Variants in PFAS observed in about 807,000 individuals in gnomAD.
PFAS encodes phosphoribosylformylglycinamidine synthase, also known as FGAM synthase.
A neutral mutation model predicts 140.6 loss-of-function variants in PFAS; 97 were observed. The observed-to-expected ratio is 0.69, with a 90% CI of 0.59 to 0.82. The LOEUF (loss-of-function observed/expected upper bound fraction) is 0.82. Among genes scored for constraint, PFAS ranks in the 40% least tolerant of loss-of-function variants. The probability of loss-of-function intolerance (pLI) is 0.00; values close to 1 mark genes in which losing one functional copy is unlikely to be tolerated. For synonymous variants in PFAS, 679 were observed against 718.8 expected (o/e 0.94, Z 0.88); for missense variants, 1,656 against 1,780.2 (o/e 0.93, Z 1.26).
rs1413961471 is a variant in PFAS, at chr17:8,264,257, C to G, written c.1837C>G (p.Gln613Glu). The change falls in exon 16 of 28, where the codon CAG becomes GAG. Residue 613 changes from glutamine to glutamate, a missense_variant. Physicochemically the swap from Gln to Glu is conservative, Grantham distance 29. Transcript: ENST00000314666. ...DRECPVRRNGQGDAPPTPLPT... is the reference protein window; with the variant it reads ...DRECPVRRNGEGDAPPTPLPT... ...GGAGTGTCCTGTCAGAAGAAATGGC[C>G]AGGGGGATGCCCCCCCGACACCCCT... The G allele has an allele frequency of 1.2e-6, 2 of 1,613,872 alleles. No homozygotes were observed. The highest frequency in any genetic ancestry group is 1.3e-5 in the African/African-American group (1 of 74,900).
chr17:8,259,753 A>G (rs1391453108), intron 11 of PFAS, among the ~76,000 whole-genome samples: 1 of 151,996 alleles, frequency 6.6e-6, no homozygotes, highest in Non-Finnish European at 1.5e-5. Context: ...ATACCACTGC[A>G]CTCCAGCATG....
At chr17:8,250,303 T>A (rs928097599) in intron 1 of PFAS, among the ~76,000 whole-genome samples, 1 of 152,206 alleles carries the variant, frequency 6.6e-6, no homozygotes, top group Non-Finnish European at 1.5e-5. Context: ...TTTATGCTGA[T>A]GTGTGACAAA....
In PFAS at chr17:8,266,493, T is replaced by C. The variant is rs778251336; in HGVS notation, c.2821+140T>C. 19 of 1,486,874 alleles carry C rather than the reference T, an allele frequency of 1.3e-5. 1 individual carries two copies. In the South Asian group the frequency reaches 2.6e-4, roughly 20 times the overall value. 92.1% of individuals were successfully genotyped at this position (1,486,874 alleles called of 1,614,324 possible). On this transcript the variant is annotated intron_variant, in intron 22 of 27. Transcript: ENST00000314666. This position sits in a 1 kb window ranked among gnomAD's most constrained non-coding sequence, Gnocchi z 5.0. ...CTGACTAGCTTTTCTGTGCTGTCTCTCTGACAGCTGAACTGGATGGAACTG... is the reference window on the plus strand; with the variant it reads ...CTGACTAGCTTTTCTGTGCTGTCTCCCTGACAGCTGAACTGGATGGAACTG...
At chr17:8,262,800 A>C in intron 11 of PFAS, 120 bp from the exon 12 acceptor site, 1 of 780,342 alleles carries the variant, frequency 1.3e-6, no homozygotes, top group South Asian at 1.5e-5. Context: ...CATCTCAAAA[A>C]AAAAAAAGCT....
Position 8,264,241 on chromosome 17 carries a change from T to C in PFAS, c.1821T>C (p.Pro607=). The change falls in exon 16 of 28, where the codon CCT becomes CCC. Residue 607 remains proline (P), a synonymous_variant. Coordinates refer to ENST00000314666, the MANE Select transcript of PFAS (RefSeq NM_012393.3). ...TGCTGGTGGACGATCGGGAGTGTCC[T>C]GTCAGAAGAAATGGCCAGGGGGATG... is the stretch of plus-strand genomic sequence containing the variant. ...RIVLVDDREC[P]VRRNGQGDAP... 1 of 1,614,078 alleles carries C rather than the reference T, an allele frequency of 6.2e-7. No homozygotes were observed. Among genetic ancestry groups the C allele is most frequent in the Non-Finnish European group, 8.5e-7 (1 of 1,179,972 alleles).
chr17:8,269,202 A>G lies in PFAS; in HGVS notation c.3955A>G (p.Thr1319Ala), dbSNP rs938152714. The change falls in exon 28 of 28, where the codon ACC (threonine) becomes GCC (alanine). Residue 1319 changes from threonine to alanine, a missense_variant. Transcript: ENST00000314666. ...ACCCCCTCCATTTGATACTCTGACC[A>G]CCTCCCCCTGGCTCCAGCTCTTTAT... ...WRPPPFDTLT[T>A]SPWLQLFINA... 6.2e-7 allele frequency: 1 copy of G among 1,612,726 alleles called. No individual in the cohort carries two copies. The highest frequency in any genetic ancestry group is 1.3e-5 in the African/African-American group (1 of 74,836).
At position 8,269,359 on chromosome 17, in the gene PFAS, C is replaced by A; in HGVS notation, c.*95C>A. ...CTTCAGGAGCACCCCATATTATTTC[C>A]AAAAATATCTTGGACAGACAAGGAC... is the stretch of plus-strand genomic sequence containing the variant. On this transcript the variant is annotated 3_prime_UTR_variant, in exon 28 of 28. Coordinates refer to ENST00000314666, the MANE Select transcript of PFAS (RefSeq NM_012393.3). 1.1e-6 allele frequency: 1 copy of A among 870,648 alleles called. No homozygotes were observed. The highest frequency in any genetic ancestry group is 1.8e-6 in the Non-Finnish European group (1 of 565,196). The allele number at this position is 870,648 out of a possible 1,614,324, so 53.9% of individuals were successfully genotyped here.
Position 8,253,851 on chromosome 17 carries a change from T to C in PFAS, c.-79-8T>C. 1.3e-6 allele frequency: 2 copies of C among 1,509,876 alleles called. No individual in the cohort carries two copies. Among genetic ancestry groups the C allele is most frequent in the Admixed American group, 2.2e-5 (1 of 45,276 alleles). 93.5% of individuals were successfully genotyped at this position (1,509,876 alleles called of 1,614,324 possible). A position where few individuals can be genotyped will look rare whatever the true frequency, so the allele number is the denominator to read the frequency against. On this transcript the variant is annotated splice_polypyrimidine_tract_variant and splice_region_variant and intron_variant, in intron 1 of 27. Coordinates refer to ENST00000314666, the MANE Select transcript of PFAS (RefSeq NM_012393.3). ...ACCACGCCCGGCTTAGTTAATGTTA[T>C]TTTTTAGGAACCTAATTCATCTCTC... is the stretch of plus-strand genomic sequence containing the variant.
chr17:8,268,568 G>T lies in PFAS; in HGVS notation c.3418G>T (p.Gly1140Trp). Residue 1140 changes from glycine (G) to tryptophan (W), a missense_variant, in exon 27 of 28, where the codon GGG (glycine) becomes TGG (tryptophan). By Grantham distance (184) the Gly-to-Trp change is radical. This residue lies in a region of PFAS where 883 missense variants were observed against 1,023.0 expected (regional missense o/e 0.86). Coordinates refer to ENST00000314666, the MANE Select transcript of PFAS (RefSeq NM_012393.3). ...TGCTGTGACCTTTCATCCCAGGGCT[G>T]GGGCTGAGCTGAGGCGCTTCCGGAA... is the stretch of plus-strand genomic sequence containing the variant. Reference protein sequence around the residue: ...AAAVTFHPRAGAELRRFRKRP... With the variant: ...AAAVTFHPRAWAELRRFRKRP... 1.2e-6 allele frequency: 2 copies of T among 1,612,460 alleles called. No homozygotes were observed. Among genetic ancestry groups the T allele is most frequent in the Non-Finnish European group, 1.7e-6 (2 of 1,179,900 alleles).
Position 8,266,141 on chromosome 17 carries a change from GACAC to G in PFAS, c.2702-88_2702-85del. On this transcript the variant is annotated intron_variant, in intron 21 of 27. Coordinates refer to ENST00000314666, the MANE Select transcript of PFAS (RefSeq NM_012393.3). This position sits in a 1 kb window ranked among gnomAD's most constrained non-coding sequence, Gnocchi z 5.0. ...TGTACCCCAGATCCCCTGACATTCT[GACAC>G]ACACTCTTGATGGACTGACTCCGGA... is the stretch of plus-strand genomic sequence containing the variant. The G allele has an allele frequency of 6.4e-7, 1 of 1,567,312 alleles. No homozygotes were observed.
rs752264537 is a variant in PFAS at position 8,269,209 on chromosome 17, C to T, written c.3962C>T (p.Pro1321Leu). ...CCATTTGATACTCTGACCACCTCCC[C>T]CTGGCTCCAGCTCTTTATCAATGCC... ...PPPFDTLTTS[P>L]WLQLFINARN... Residue 1321 changes from proline to leucine, a missense_variant, in exon 28 of 28, where the codon CCC becomes CTC. Pro to Leu is a moderately conservative substitution (Grantham distance 98, BLOSUM62 -3). Coordinates refer to ENST00000314666, the MANE Select transcript of PFAS (RefSeq NM_012393.3). 2 of 1,613,322 alleles carry T rather than the reference C, an allele frequency of 1.2e-6. No individual in the cohort carries two copies. Among genetic ancestry groups the T allele is most frequent in the African/African-American group, 1.3e-5 (1 of 74,938 alleles).
chr17:8,251,669 T>G (rs1010030969), intron 1 of PFAS, among the ~76,000 whole-genome samples: 1 of 18,846 alleles, frequency 5.3e-5, no homozygotes, highest in Non-Finnish European at 3.2e-4. Context: ...TAAGCAATTC[T>G]TTTTTTTTTT....
At chr17:8,248,642 C>G (rs1018131746), upstream of PFAS, among the ~76,000 whole-genome samples, 3 of 151,956 alleles carry the variant, frequency 2.0e-5, no homozygotes, top group East Asian at 3.9e-4. Flanking sequence ...ACTGCAGCCT[C>G]GACCTCCCGG....
chr17:8,257,285 G>A (rs1470845215), intron 9 of PFAS, among the ~76,000 whole-genome samples: 1 of 152,176 alleles, frequency 6.6e-6, no homozygotes, highest in Non-Finnish European at 1.5e-5. Flanking sequence ...GGCTGGGCGT[G>A]GTGGCTCACG....
Position 8,256,604 on chromosome 17 carries a change from T to G in PFAS, c.902T>G (p.Leu301Arg), listed in dbSNP as rs1989376802. ...AGCCGCTTCCAGCAACAGCAAGGGC[T>G]GAGACATGTTGTCTTCACAGCAGAG... ...RPSRFQQQQG[L>R]RHVVFTAETH... is the part of the protein sequence containing the mutation. The change falls in exon 8 of 28, where the codon CTG becomes CGG. Residue 301 changes from leucine (L) to arginine (R), a missense_variant. Coordinates refer to ENST00000314666, the MANE Select transcript of PFAS (RefSeq NM_012393.3). 1 of 1,614,198 alleles carries G rather than the reference T, an allele frequency of 6.2e-7. No homozygotes were observed. The highest frequency in any genetic ancestry group is 8.5e-7 in the Non-Finnish European group (1 of 1,180,038).
chr17:8,257,861 G>T lies in PFAS; in HGVS notation c.1130G>T (p.Arg377Leu). 13 of 1,614,054 alleles carry T rather than the reference G, an allele frequency of 8.1e-6. No homozygotes were observed. The highest frequency in any genetic ancestry group is 1.1e-5 in the Non-Finnish European group (13 of 1,179,942). Residue 377 changes from arginine to leucine, a missense_variant, in exon 10 of 28, where the codon CGG becomes CTG. Coordinates refer to ENST00000314666, the MANE Select transcript of PFAS (RefSeq NM_012393.3). Reference sequence around the variant, plus strand: ...TTCCAGTATCCTGGGAATTTTGCCCGGCCCCTGGAGGTTGCCATTGAAGCC... The same window carrying T: ...TTCCAGTATCCTGGGAATTTTGCCCTGCCCCTGGAGGTTGCCATTGAAGCC... ...PSFQYPGNFA[R>L]PLEVAIEASN...
chr17:8,265,332 A>G lies in PFAS; in HGVS notation c.2325A>G (p.Pro775=), dbSNP rs761753440. 6.6e-5 allele frequency: 106 copies of G among 1,614,000 alleles called. No individual in the cohort carries two copies. In the South Asian group the frequency reaches 1.1e-3, roughly 17 times the overall value. The change falls in exon 19 of 28, where the codon CCA becomes CCG. Residue 775 remains proline, a synonymous_variant. Transcript: ENST00000314666. ...SGNWMWAAKL[P]GEGAALADAC... is the part of the protein sequence containing the mutation. ...ACTGGATGTGGGCAGCCAAGCTCCC[A>G]GGGGAGGGCGCAGCTTTGGCGGATG...
chr17:8,263,986 AC>A, intron 15 of PFAS, 50 bp downstream of exon 15: 2 of 1,592,738 alleles, frequency 1.3e-6, no homozygotes, highest in Non-Finnish European at 1.7e-6. Context: ...GACATGAGCC[AC>A]CTGGGTATGG....
Position 8,263,643 on chromosome 17 carries a change from C to G in PFAS, c.1629+7C>G, listed in dbSNP as rs1354724242. 2 of 1,613,288 alleles carry G rather than the reference C, an allele frequency of 1.2e-6. 1 individual carries two copies. Among genetic ancestry groups the G allele is most frequent in the East Asian group, 4.5e-5 (2 of 44,882 alleles). The stretch of plus-strand genomic sequence containing the variant: ...TTACACCAGCCGCTTCCAGGTGGGT[C>G]TCGTCCCCTGAAGTGTGACATTTTC... On this transcript the variant is annotated splice_region_variant and intron_variant, in intron 14 of 27. Transcript: ENST00000314666.
Sources: gnomAD v4.1 joint callset for allele counts (sites outside exome capture counted in the v4.1 genomes callset) on GRCh38, gnomAD v4.1.1 for gene constraint, gnomAD v4.1.1 regional missense constraint, Gnocchi (gnomAD v3.1) non-coding constraint, MANE v1.5 for transcripts, NCBI Gene and HGNC (gene_info 2026-07-23, HGNC 2026-07-21) for gene names.